Variants in PPP1R9B observed in about 807,000 individuals in gnomAD.
PPP1R9B encodes the protein neurabin-2.
In PPP1R9B, 17 loss-of-function variants were observed where a neutral mutation model predicts 75.8. The observed-to-expected ratio is 0.22, with a 90% CI of 0.15 to 0.34. The LOEUF is 0.34. Ranked by LOEUF, PPP1R9B falls within the 10% of genes least tolerant of loss-of-function variation. The pLI is 1.00. For missense variants in PPP1R9B, 875 were observed against 1,196.0 expected (o/e 0.73, Z 3.96); for synonymous variants, 509 against 535.4 (o/e 0.95, Z 0.68).
chr17:50,150,541 C>G lies in PPP1R9B; in HGVS notation c.-28G>C. The G allele has an allele frequency of 2.3e-6, 3 of 1,288,606 alleles. No individual in the cohort carries two copies. Among genetic ancestry groups the G allele is most frequent in the South Asian group, 2.3e-5 (1 of 43,844 alleles). The allele number at this position is 1,288,606 out of a possible 1,614,324, so 79.8% of individuals were successfully genotyped here. On this transcript the variant is annotated 5_prime_UTR_variant, in exon 1 of 10. Coordinates refer to ENST00000612501, the MANE Select transcript of PPP1R9B (RefSeq NM_032595.5). The surrounding 1 kb of genome is among the most constrained non-coding windows in gnomAD (Gnocchi z 8.7). ...TGGGGGGAGCCGGGTTCGCATGCCC[C>G]TGCTCCCCGCTCCCCCGCTTCAACA...
intron 5 of PPP1R9B, 23 bp downstream of exon 5, chr17:50,140,070 C>G: frequency 6.2e-7 from 1 of 1,610,562 alleles, no homozygotes; most frequent in Non-Finnish European, 8.5e-7. Flanking sequence ...GACCACGCGG[C>G]CAGCCAGGCA....
At chr17:50,137,002 T>A (rs149489284) in intron 7 of PPP1R9B, among the ~76,000 whole-genome samples, 1 of 152,274 alleles carries the variant, frequency 6.6e-6, no homozygotes, top group East Asian at 1.9e-4. Flanking sequence ...GGCCAGTATT[T>A]GCTGCAAACA....
Position 50,143,736 on chromosome 17 carries a change from G to C in PPP1R9B, c.1505-18C>G, listed in dbSNP as rs1199259499. Reference sequence around the variant, plus strand: ...CTCGGAGTCTGTGGAACAGAGAGTGGTGAGATGGCAGGGCTTGTAGGGGAC... The same window carrying C: ...CTCGGAGTCTGTGGAACAGAGAGTGCTGAGATGGCAGGGCTTGTAGGGGAC... On this transcript the variant is annotated intron_variant, in intron 2 of 9. Transcript: ENST00000612501. The C allele has an allele frequency of 6.2e-7, 1 of 1,613,626 alleles. No homozygotes were observed.
rs745630688 is a variant in PPP1R9B, at chr17:50,145,180, G to A, written c.1437C>T (p.Ala479=). The change falls in exon 2 of 10, where the codon GCC becomes GCT. Residue 479 remains alanine (A), a synonymous_variant. Coordinates refer to ENST00000612501, the MANE Select transcript of PPP1R9B (RefSeq NM_032595.5). ...RRNEDVDPMA[A]SAEYELEKRV... ...GCTTCTCCAGCTCGTACTCAGCAGAGGCTGCCATGGGATCCACATCCTCGT... is the reference window on the plus strand; with the variant it reads ...GCTTCTCCAGCTCGTACTCAGCAGAAGCTGCCATGGGATCCACATCCTCGT... The A allele has an allele frequency of 6.8e-6, 11 of 1,614,046 alleles. No homozygotes were observed. The South Asian group carries it at 1.1e-4, about 16-fold the overall frequency.
intron 2 of PPP1R9B, 107 bp from the exon 3 acceptor site, chr17:50,143,825 T>C (rs1014426633): frequency 1.8e-5 from 26 of 1,438,868 alleles, no homozygotes; most frequent in Non-Finnish European, 2.0e-5. Context: ...CAGTCCCCAT[T>C]AGGGGATGTC....
chr17:50,149,421 C>CCCT lies in PPP1R9B; in HGVS notation c.1090_1092dup (p.Arg364dup), dbSNP rs1385294875. On this transcript the variant is annotated inframe_insertion, in exon 1 of 10. Coordinates refer to ENST00000612501, the MANE Select transcript of PPP1R9B (RefSeq NM_032595.5). This position sits in a 1 kb window ranked among gnomAD's most constrained non-coding sequence, Gnocchi z 7.2. Reference sequence around the variant, plus strand: ...TCCGGGGCCCGGCCATTGCCCACCCCCCTCTCTGGCGGCGCTACCGCCGCC... The same window carrying CCCT: ...TCCGGGGCCCGGCCATTGCCCACCCCCCTCCTCTCTGGCGGCGCTACCGCCGCC... 1 of 1,610,240 alleles carries CCCT rather than the reference C, an allele frequency of 6.2e-7. No individual in the cohort carries two copies. Among genetic ancestry groups the CCCT allele is most frequent in the African/African-American group, 1.3e-5 (1 of 74,722 alleles).
At chr17:50,143,253 A>C (rs950715908) in intron 3 of PPP1R9B, among the ~76,000 whole-genome samples, 1 of 152,116 alleles carries the variant, frequency 6.6e-6, no homozygotes, top group African/African-American at 2.4e-5. Context: ...TGTCCAGCGA[A>C]AAAAAAGCTC....
In PPP1R9B at chr17:50,149,073, C is replaced by T. The variant is rs937094695; in HGVS notation, c.1371+70G>A. 6.6e-6 allele frequency: 7 copies of T among 1,066,116 alleles called. No homozygotes were observed. The highest frequency in any genetic ancestry group is 8.2e-6 in the Non-Finnish European group (7 of 856,666). 66.0% of individuals were successfully genotyped at this position (1,066,116 alleles called of 1,614,324 possible). A position where few individuals can be genotyped will look rare whatever the true frequency, so the allele number is the denominator to read the frequency against. ...CAGCCTGCCAAACCCGGCTGGCTGG[C>T]TGGCGAGCGGGGGCGGCCGCGTGCA... On this transcript the variant is annotated intron_variant, in intron 1 of 9. Coordinates refer to ENST00000612501, the MANE Select transcript of PPP1R9B (RefSeq NM_032595.5). The surrounding 1 kb of genome is among the most constrained non-coding windows in gnomAD (Gnocchi z 7.2).
intron 3 of PPP1R9B, among the ~76,000 whole-genome samples, chr17:50,143,177 G>T (rs1912429329): frequency 6.6e-6 from 1 of 152,090 alleles, no homozygotes; most frequent in African/African-American, 2.4e-5. Flanking sequence ...CACTTCTCAA[G>T]TGCGCCAGGC....
intron 3 of PPP1R9B, 42 bp downstream of exon 3, chr17:50,143,556 G>T (rs1912441210): frequency 6.2e-7 from 1 of 1,610,824 alleles, no homozygotes; most frequent in African/African-American, 1.3e-5. Context: ...TGGCCGGTCG[G>T]AGAGGGAAAA....
chr17:50,143,529 G>C (rs1451788341), intron 3 of PPP1R9B, 69 bp downstream of exon 3: 1 of 1,590,078 alleles, frequency 6.3e-7, no homozygotes, highest in African/African-American at 1.3e-5. Context: ...CTGCTCAGTG[G>C]CCCACCCCAC....
Position 50,145,171 on chromosome 17 carries a change from C to T in PPP1R9B, c.1446G>A (p.Glu482=). The change falls in exon 2 of 10, where the codon GAG becomes GAA. Residue 482 remains glutamate (E), a synonymous_variant. Transcript: ENST00000612501. ...TCTCCACACGCTTCTCCAGCTCGTA[C>T]TCAGCAGAGGCTGCCATGGGATCCA... ...EDVDPMAASA[E]YELEKRVERL... The T allele has an allele frequency of 6.2e-7, 1 of 1,614,044 alleles. No homozygotes were observed. The highest frequency in any genetic ancestry group is 1.3e-5 in the African/African-American group (1 of 75,070).
Position 50,149,610 on chromosome 17 carries a change from C to T in PPP1R9B, c.904G>A (p.Glu302Lys), listed in dbSNP as rs917221893. The T allele has an allele frequency of 2.6e-6, 4 of 1,555,138 alleles. No individual in the cohort carries two copies. The highest frequency in any genetic ancestry group is 1.4e-5 in the African/African-American group (1 of 73,174). ...PREVRKIKPV[E>K]VEESGESEAE... ...TCCGACTCCCCGCTCTCCTCCACCT[C>T]CACCGGCTTAATCTTGCGCACCTCC... Residue 302 changes from glutamate (E) to lysine (K), a missense_variant, in exon 1 of 10, where the codon GAG (glutamate) becomes AAG (lysine). This residue lies in a region of PPP1R9B where 449 missense variants were observed against 475.0 expected (regional missense o/e 0.95). Transcript: ENST00000612501. The surrounding 1 kb of genome is among the most constrained non-coding windows in gnomAD (Gnocchi z 7.2).
chr17:50,142,879 T>C lies in PPP1R9B; in HGVS notation c.1625+719A>G, dbSNP rs1180048453. Among the ~76,000 whole-genome samples the C allele has an allele frequency of 6.6e-6, 1 of 152,122 alleles. No homozygotes were observed. On this transcript the variant is annotated intron_variant, in intron 3 of 9. Transcript: ENST00000612501. The surrounding 1 kb of genome is among the most constrained non-coding windows in gnomAD (Gnocchi z 4.1). ...CAGCCTGTCTCCAGAGCCACTGCCATCAATGGGTCTAGTCACAGCCTCCTG... is the reference window on the plus strand; with the variant it reads ...CAGCCTGTCTCCAGAGCCACTGCCACCAATGGGTCTAGTCACAGCCTCCTG...
At position 50,139,235 on chromosome 17, in the gene PPP1R9B, G is replaced by A. The variant is rs961047771; in HGVS notation, c.2073+28C>T. On this transcript the variant is annotated intron_variant, in intron 7 of 9. Transcript: ENST00000612501. The surrounding 1 kb of genome is among the most constrained non-coding windows in gnomAD (Gnocchi z 5.0). Reference sequence around the variant, plus strand: ...CTCCTCAACACACACATGCACGCACGCAAAAGCACACACATACGCACCCTT... The same window carrying A: ...CTCCTCAACACACACATGCACGCACACAAAAGCACACACATACGCACCCTT... 8 of 1,613,762 alleles carry A rather than the reference G, an allele frequency of 5.0e-6. No individual in the cohort carries two copies. Among genetic ancestry groups the A allele is most frequent in the Non-Finnish European group, 6.8e-6 (8 of 1,179,620 alleles).
chr17:50,143,803 C>A (rs1598248144), intron 2 of PPP1R9B, 85 bp from the exon 3 acceptor site: 1 of 1,573,900 alleles, frequency 6.4e-7, no homozygotes, highest in Non-Finnish European at 8.7e-7. Context: ...GCACAGCCCC[C>A]CCATCAGGAA....
rs1569116 is a variant in PPP1R9B at position 50,139,579 on chromosome 17, C to G, written c.1869G>C (p.Thr623=). 6.5e-7 allele frequency: 1 copy of G among 1,546,238 alleles called. No homozygotes were observed. Among genetic ancestry groups the G allele is most frequent in the South Asian group, 1.2e-5 (1 of 80,696 alleles). The part of the protein sequence containing the change: ...YAQYGEDDEE[T]GEYATDEDEE... ...CATCCTCGTCAGTGGCATACTCTCCCGTCTGCGAAGGGAGACCGGAGACTG... is the reference window on the plus strand; with the variant it reads ...CATCCTCGTCAGTGGCATACTCTCCGGTCTGCGAAGGGAGACCGGAGACTG... Residue 623 remains threonine (T), a splice_region_variant and synonymous_variant, in exon 6 of 10, where the codon ACG becomes ACC. Transcript: ENST00000612501. This position sits in a 1 kb window ranked among gnomAD's most constrained non-coding sequence, Gnocchi z 5.0.
rs895976233 is a variant in PPP1R9B at position 50,149,118 on chromosome 17, G to A, written c.1371+25C>T. ...CGTGCACGTGGCAGGGGCGGCGCGG[G>A]GGCAGGGCGGGGGGGCTCACTTACT... On this transcript the variant is annotated intron_variant, in intron 1 of 9. Transcript: ENST00000612501. This position sits in a 1 kb window ranked among gnomAD's most constrained non-coding sequence, Gnocchi z 7.2. 9 of 1,389,842 alleles carry A rather than the reference G, an allele frequency of 6.5e-6. No individual in the cohort carries two copies. The highest frequency in any genetic ancestry group is 6.3e-5 in the Admixed American group (2 of 31,858). 86.1% of individuals were successfully genotyped at this position (1,389,842 alleles called of 1,614,324 possible).
chr17:50,143,567 A>G, intron 3 of PPP1R9B, 31 bp downstream of exon 3: 2 of 1,611,808 alleles, frequency 1.2e-6, no homozygotes, highest in Non-Finnish European at 1.7e-6. Context: ...AGAGGGAAAA[A>G]GGGTCAGGCG....
Sources: gnomAD v4.1 joint callset for allele counts (sites outside exome capture counted in the v4.1 genomes callset) on GRCh38, gnomAD v4.1.1 for gene constraint, gnomAD v4.1.1 regional missense constraint, Gnocchi (gnomAD v3.1) non-coding constraint, MANE v1.5 for transcripts, NCBI Gene and HGNC (gene_info 2026-07-23, HGNC 2026-07-21) for gene names.